Variants in ANKRD18A observed in about 807,000 individuals in gnomAD.
ANKRD18A encodes the protein ankyrin repeat domain-containing protein 18A.
Under a neutral mutation model 110.6 loss-of-function variants are expected in ANKRD18A, and 72 were observed. The ratio of observed to expected loss-of-function variants is 0.65; its 90% CI spans 0.54 to 0.79. ANKRD18A has a LOEUF of 0.79. Among genes scored for constraint, ANKRD18A ranks in the 30% least tolerant of loss-of-function variants. The probability of loss-of-function intolerance (pLI) is 0.00; values close to 1 mark genes in which losing one functional copy is unlikely to be tolerated. For missense variants in ANKRD18A, 934 were observed against 1,163.3 expected (o/e 0.80, Z 2.87); for synonymous variants, 305 against 410.3 (o/e 0.74, Z 3.10).
intron 7 of ANKRD18A, among the ~76,000 whole-genome samples, chr9:38,602,396 G>A (rs879155828): frequency 4.6e-4 from 70 of 152,198 alleles, no homozygotes; most frequent in Non-Finnish European, 4.9e-4. Context: ...GCCAGGCAGC[G>A]GCAAGAGAGG....
chr9:38,601,197 G>C lies in ANKRD18A; in HGVS notation c.870C>G (p.His290Gln), dbSNP rs1280426879. ...KKRKERAKAE[H>Q]NLKVASEEKQ... ...TTTCCTCTGAAGCCACTTTTAGGTT[G>C]TGTTCTGCTGACAAATCCATATGTT... The change falls in exon 8 of 16, where the codon CAC becomes CAG. Residue 290 changes from histidine to glutamine, a missense_variant. Transcript: ENST00000399703. 1 of 1,555,970 alleles carries C rather than the reference G, an allele frequency of 6.4e-7. No individual in the cohort carries two copies. The highest frequency in any genetic ancestry group is 8.7e-7 in the Non-Finnish European group (1 of 1,149,060).
At chr9:38,598,583 T>G (rs1824989732) in intron 8 of ANKRD18A, among the ~76,000 whole-genome samples, 1 of 152,220 alleles carries the variant, frequency 6.6e-6, no homozygotes, top group Admixed American at 6.5e-5. Context: ...CCTATCTCAT[T>G]CTTAAGCCTT....
chr9:38,619,491 C>T (rs1423928717), intron 1 of ANKRD18A, among the ~76,000 whole-genome samples: 3 of 152,160 alleles, frequency 2.0e-5, no homozygotes, highest in African/African-American at 7.2e-5. Flanking sequence ...TCTAGAGGAG[C>T]AAGTCTTTTC....
At position 38,586,133 on chromosome 9, in the gene ANKRD18A, T is replaced by C. The variant is rs1415581; in HGVS notation, c.2247+50A>G. 538,183 of 1,478,460 alleles carry C rather than the reference T, an allele frequency of 0.36. 106,191 individuals are homozygous for C. The highest frequency in any genetic ancestry group is 0.78 in the African/African-American group (53,449 of 68,630). 91.6% of individuals were successfully genotyped at this position (1,478,460 alleles called of 1,614,324 possible). A position where few individuals can be genotyped will look rare whatever the true frequency, so the allele number is the denominator to read the frequency against. ...ACCTATGTAACAAACCTGTACCTCT[T>C]ACACATGTAATCTAGACCTTAAGAT... On this transcript the variant is annotated intron_variant, in intron 12 of 15. Coordinates refer to ENST00000399703, the MANE Select transcript of ANKRD18A (RefSeq NM_147195.4).
intron 3 of ANKRD18A, among the ~76,000 whole-genome samples, chr9:38,613,891 T>C (rs1008962728): frequency 3.9e-5 from 6 of 152,146 alleles, no homozygotes; most frequent in African/African-American, 1.4e-4. Context: ...TGTGAAAGGG[T>C]CAGTCTCTAC....
In ANKRD18A at chr9:38,620,508, C is replaced by T. The variant is rs1241945538; in HGVS notation, c.-223G>A. 14 of 1,411,152 alleles carry T rather than the reference C, an allele frequency of 9.9e-6. No individual in the cohort carries two copies. The highest frequency in any genetic ancestry group is 1.3e-5 in the Non-Finnish European group (14 of 1,083,556). 87.4% of individuals were successfully genotyped at this position (1,411,152 alleles called of 1,614,324 possible). A position where few individuals can be genotyped will look rare whatever the true frequency, so the allele number is the denominator to read the frequency against. ...CACCACAGCCTTCAGCAGCGACACTCGCAGACTCCGACCTCTCAGACCGAG... is the reference window on the plus strand; with the variant it reads ...CACCACAGCCTTCAGCAGCGACACTTGCAGACTCCGACCTCTCAGACCGAG... On this transcript the variant is annotated 5_prime_UTR_variant, in exon 1 of 16. Coordinates refer to ENST00000399703, the MANE Select transcript of ANKRD18A (RefSeq NM_147195.4).
Position 38,595,825 on chromosome 9 carries a change from T to C in ANKRD18A, c.1515A>G (p.Gly505=). ...DALREKTLAL[G]SVQLDLRQAQ... ...CTTGCCTTAGGTCCAGCTGTACACTTCCTAAAGCCAATGTCTTTTCCCTGA... is the reference window on the plus strand; with the variant it reads ...CTTGCCTTAGGTCCAGCTGTACACTCCCTAAAGCCAATGTCTTTTCCCTGA... Residue 505 remains glycine (G), a synonymous_variant, in exon 9 of 16, where the codon GGA becomes GGG. Transcript: ENST00000399703. The C allele has an allele frequency of 1.3e-6, 2 of 1,551,314 alleles. No homozygotes were observed. Among genetic ancestry groups the C allele is most frequent in the Non-Finnish European group, 1.7e-6 (2 of 1,146,700 alleles).
At position 38,615,910 on chromosome 9, in the gene ANKRD18A, A is replaced by G; in HGVS notation, c.321+20T>C. 6.5e-7 allele frequency: 1 copy of G among 1,539,084 alleles called. No homozygotes were observed. Among genetic ancestry groups the G allele is most frequent in the Non-Finnish European group, 8.7e-7 (1 of 1,143,786 alleles). ...TTAAATCAAATCCATTTCATGCTGA[A>G]AGAGTTGGCTACTATATACCTTCAT... On this transcript the variant is annotated intron_variant, in intron 2 of 15. Coordinates refer to ENST00000399703, the MANE Select transcript of ANKRD18A (RefSeq NM_147195.4).
At chr9:38,617,793 A>G (rs1197209541) in intron 1 of ANKRD18A, among the ~76,000 whole-genome samples, 2 of 152,152 alleles carry the variant, frequency 1.3e-5, no homozygotes. Context: ...GATAGTGCAA[A>G]ATGTTTGCTA....
chr9:38,585,656 A>T (rs1252431723), intron 12 of ANKRD18A, among the ~76,000 whole-genome samples: 2 of 152,194 alleles, frequency 1.3e-5, no homozygotes, highest in Non-Finnish European at 2.9e-5. Flanking sequence ...AAACTGATTT[A>T]AAATTACCTT....
intron 9 of ANKRD18A, among the ~76,000 whole-genome samples, chr9:38,594,408 A>T (rs1304063240): frequency 6.6e-6 from 1 of 152,218 alleles, no homozygotes; most frequent in Non-Finnish European, 1.5e-5. Context: ...GACAGCTAAA[A>T]GTATCTTTGT....
At chr9:38,590,268 T>C (rs1156548558) in intron 10 of ANKRD18A, among the ~76,000 whole-genome samples, 2 of 151,766 alleles carry the variant, frequency 1.3e-5, no homozygotes, top group South Asian at 2.1e-4. Context: ...TTCTTATTTA[T>C]TTTTTTTGAG....
chr9:38,611,215 C>A lies in ANKRD18A; in HGVS notation c.602G>T (p.Arg201Ile), dbSNP rs1321973445. The A allele has an allele frequency of 2.0e-6, 3 of 1,527,610 alleles. No homozygotes were observed. Among genetic ancestry groups the A allele is most frequent in the Non-Finnish European group, 2.6e-6 (3 of 1,139,946 alleles). The allele number at this position is 1,527,610 out of a possible 1,614,324, so 94.6% of individuals were successfully genotyped here. A position where few individuals can be genotyped will look rare whatever the true frequency, so the allele number is the denominator to read the frequency against. Residue 201 changes from arginine to isoleucine, a missense_variant and splice_region_variant, in exon 4 of 16, where the codon AGA becomes ATA. Physicochemically the swap from Arg to Ile is moderately conservative, Grantham distance 97. Coordinates refer to ENST00000399703, the MANE Select transcript of ANKRD18A (RefSeq NM_147195.4). ...ANIHAVDNFKRTALILAVQHN... is the reference protein window; with the variant it reads ...ANIHAVDNFKITALILAVQHN... ...AAACAAAAAACAAAAACTATTGCAC[C>A]TTTTGAAATTGTCAACGGCATGTAT...
chr9:38,566,830 C>T (rs1823495579), downstream of ANKRD18A: 1 of 152,100 alleles, frequency 6.6e-6, no homozygotes, highest in Non-Finnish European at 1.5e-5. Flanking sequence ...TTTCAATGAC[C>T]AGGTGTCATG....
At chr9:38,615,539 T>C (rs1035282629) in intron 3 of ANKRD18A, 55 bp downstream of exon 3, 94 of 1,494,140 alleles carry the variant, frequency 6.3e-5, no homozygotes, top group Non-Finnish European at 7.7e-5. Context: ...AATTGACTCT[T>C]AACTATGTCA....
chr9:38,606,245 T>TA (rs1825349235), intron 6 of ANKRD18A, among the ~76,000 whole-genome samples: 1 of 152,182 alleles, frequency 6.6e-6, no homozygotes. Context: ...TAAAGACAGT[T>TA]ACGTTCTTAG....
chr9:38,584,923 A>T (rs1226496532), intron 12 of ANKRD18A, among the ~76,000 whole-genome samples: 2 of 152,154 alleles, frequency 1.3e-5, no homozygotes, highest in Non-Finnish European at 2.9e-5. Context: ...TTCTAACCTG[A>T]TTCTGGTACA....
chr9:38,615,408 C>T (rs2996357), intron 3 of ANKRD18A, among the ~76,000 whole-genome samples, 186 bp downstream of exon 3: 8 of 152,176 alleles, frequency 5.3e-5, no homozygotes, highest in Non-Finnish European at 1.0e-4. Flanking sequence ...ACTTCCCATA[C>T]GTGCACTAAA....
intron 3 of ANKRD18A, 29 bp downstream of exon 3, chr9:38,615,565 T>G: frequency 1.3e-6 from 2 of 1,537,104 alleles, no homozygotes; most frequent in Non-Finnish European, 1.7e-6. Flanking sequence ...AAAACAAACA[T>G]TTTGAAAAGA....
Sources: gnomAD v4.1 joint callset for allele counts (sites outside exome capture counted in the v4.1 genomes callset) on GRCh38, gnomAD v4.1.1 for gene constraint, MANE v1.5 for transcripts, NCBI Gene and HGNC (gene_info 2026-07-23, HGNC 2026-07-21) for gene names.